Variants in PI4KB observed in about 807,000 individuals in gnomAD.
The protein encoded by PI4KB is PtdIns 4-kinase beta.
In PI4KB, 23 loss-of-function variants were observed where a neutral mutation model predicts 81.4. The ratio of observed to expected loss-of-function variants is 0.28; its 90% CI spans 0.20 to 0.40. The LOEUF is 0.40. Among genes scored for constraint, PI4KB ranks in the 10% least tolerant of loss-of-function variants. PI4KB has a pLI of 1.00. For missense variants in PI4KB, 651 were observed against 1,036.6 expected (o/e 0.63, Z 5.11); for synonymous variants, 381 against 406.8 (o/e 0.94, Z 0.76).
At position 151,294,616 on chromosome 1, in the gene PI4KB, A is replaced by G. The variant is rs1363337296; in HGVS notation, c.2016-75T>C. ...AGGCTGGAACCTTAAGCAGCAATAC[A>G]CTGGCCACATGACACCAGGGAGGGG... On this transcript the variant is annotated intron_variant, in intron 9 of 11. Transcript: ENST00000368873. The G allele has an allele frequency of 1.5e-5, 22 of 1,434,794 alleles. No homozygotes were observed. The South Asian group carries it at 2.6e-4, about 17-fold the overall frequency. 88.9% of individuals were successfully genotyped at this position (1,434,794 alleles called of 1,614,324 possible). A position where few individuals can be genotyped will look rare whatever the true frequency, so the allele number is the denominator to read the frequency against.
chr1:151,301,796 T>A (rs1695311241), intron 8 of PI4KB, 48 bp downstream of exon 8: 1 of 1,574,710 alleles, frequency 6.4e-7, no homozygotes, highest in African/African-American at 1.4e-5. Flanking sequence ...CCTCCCAGAG[T>A]GCTGGGATTA....
At chr1:151,326,159 C>A (rs370976825) in intron 1 of PI4KB, 15 of 1,612,938 alleles carry the variant, frequency 9.3e-6, no homozygotes, top group Non-Finnish European at 1.3e-5. Flanking sequence ...TAATCTGAAA[C>A]AAGTTTTCTC....
chr1:151,293,869 G>T, intron 11 of PI4KB, 149 bp downstream of exon 11: 1 of 832,248 alleles, frequency 1.2e-6, no homozygotes, highest in Non-Finnish European at 1.9e-6. Flanking sequence ...TCCTAAAGGA[G>T]AAACAAGGCA....
At chr1:151,315,463 G>C (rs1293354184) in intron 2 of PI4KB, 110 bp downstream of exon 2, 2 of 762,616 alleles carry the variant, frequency 2.6e-6, no homozygotes, top group African/African-American at 3.4e-5. Flanking sequence ...TCAGTGAAAT[G>C]AAACAGGGAG....
At chr1:151,294,254 C>A in intron 10 of PI4KB, 116 bp from the exon 11 acceptor site, 6 of 1,491,610 alleles carry the variant, frequency 4.0e-6, no homozygotes, top group Non-Finnish European at 5.4e-6. Flanking sequence ...TTCCCCCTTC[C>A]TTATTGGGCA....
At chr1:151,294,283 C>T in intron 10 of PI4KB, 126 bp downstream of exon 10, 1 of 1,463,150 alleles carries the variant, frequency 6.8e-7, no homozygotes, top group East Asian at 2.3e-5. Flanking sequence ...CCAGGAACTC[C>T]TGCCTCACCC....
At chr1:151,303,429 G>C in intron 6 of PI4KB, 112 bp downstream of exon 6, 1 of 768,000 alleles carries the variant, frequency 1.3e-6, no homozygotes, top group Non-Finnish European at 2.4e-6. Context: ...GAATGAAAGA[G>C]GGAAAGACAC....
intron 1 of PI4KB, among the ~76,000 whole-genome samples, chr1:151,324,139 TG>T (rs1571232430): frequency 1.3e-5 from 2 of 152,136 alleles, no homozygotes; most frequent in South Asian, 4.2e-4. Flanking sequence ...TTAGTAGAGA[TG>T]GGGTTTCACC....
At chr1:151,326,657 T>G (rs1649651392) in intron 1 of PI4KB, among the ~76,000 whole-genome samples, 1 of 152,150 alleles carries the variant, frequency 6.6e-6, no homozygotes, top group African/African-American at 2.4e-5. Flanking sequence ...AGTAAGAATG[T>G]AAATGGTACT....
At chr1:151,304,729 C>T (rs933106897) in intron 5 of PI4KB, among the ~76,000 whole-genome samples, 6 of 151,802 alleles carry the variant, frequency 4.0e-5, no homozygotes, top group Non-Finnish European at 8.8e-5. Flanking sequence ...GATCTCAGCT[C>T]CCTGCAGCCT....
intron 6 of PI4KB, among the ~76,000 whole-genome samples, chr1:151,302,937 C>T (rs587679812): frequency 2.6e-5 from 4 of 151,568 alleles, no homozygotes; most frequent in East Asian, 2.0e-4. Context: ...CTGACACAGT[C>T]GCTTTGAGAC....
At chr1:151,305,424 C>T (rs1044624603) in intron 5 of PI4KB, among the ~76,000 whole-genome samples, 9 of 152,224 alleles carry the variant, frequency 5.9e-5, no homozygotes, top group Admixed American at 2.0e-4. Flanking sequence ...CACACCTGCA[C>T]ATCACAGCCA....
At chr1:151,293,165 C>T (rs1328463284) in intron 11 of PI4KB, 132 bp from the exon 12 acceptor site, 4 of 1,494,938 alleles carry the variant, frequency 2.7e-6, no homozygotes, top group Non-Finnish European at 3.6e-6. Flanking sequence ...GATGTGGGTG[C>T]AGTTCTGCTT....
chr1:151,317,807 C>T (rs1267769445), intron 1 of PI4KB, among the ~76,000 whole-genome samples: 2 of 151,168 alleles, frequency 1.3e-5, no homozygotes, highest in Non-Finnish European at 3.0e-5. Context: ...CTGTGCATCT[C>T]ACCTTTATTT....
chr1:151,316,599 T>A, intron 1 of PI4KB, 90 bp from the exon 2 acceptor site: 1 of 862,432 alleles, frequency 1.2e-6, no homozygotes, highest in Non-Finnish European at 1.7e-6. Flanking sequence ...CCCTTTGCTA[T>A]GACACCTTCC....
chr1:151,298,904 C>T lies in PI4KB; in HGVS notation c.1919G>A (p.Ser640Asn). The T allele has an allele frequency of 1.2e-6, 2 of 1,614,196 alleles. No individual in the cohort carries two copies. Among genetic ancestry groups the T allele is most frequent in the East Asian group, 4.5e-5 (2 of 44,884 alleles). ...LLDYFLQEHG[S>N]YTTEAFLSAQ... ...ACTGAGGAATGCCTCAGTGGTGTAA[C>T]TGCCGTGCTCCTGTAGGAAGTAATC... Residue 640 changes from serine to asparagine, a missense_variant, in exon 9 of 12, where the codon AGT becomes AAT. Physicochemically the swap from Ser to Asn is conservative, Grantham distance 46. Around this residue, in one of 5 missense-constraint regions of PI4KB, gnomAD observed 246 missense variants for 430.1 expected, o/e 0.57. Transcript: ENST00000368873.
At chr1:151,317,139 C>CTTTTT (rs34628896) in intron 1 of PI4KB, among the ~76,000 whole-genome samples, 2 of 126,964 alleles carry the variant, frequency 1.6e-5, no homozygotes, top group African/African-American at 3.0e-5. Context: ...TTTACAAATT[C>CTTTTT]TTTTTTTTTT....
chr1:151,304,436 C>G (rs1695574318), intron 5 of PI4KB, among the ~76,000 whole-genome samples: 1 of 151,020 alleles, frequency 6.6e-6, no homozygotes, highest in Admixed American at 6.6e-5. Context: ...CTCCGCCTCC[C>G]AGGTTCAAGC....
At position 151,315,944 on chromosome 1, in the gene PI4KB, G is replaced by A. The variant is rs776997625; in HGVS notation, c.538C>T (p.Leu180Phe). 6.2e-7 allele frequency: 1 copy of A among 1,613,222 alleles called. No homozygotes were observed. Residue 180 changes from leucine to phenylalanine, a missense_variant, in exon 2 of 12, where the codon CTT becomes TTT. By Grantham distance (22) the Leu-to-Phe change is conservative. Around this residue, in one of 5 missense-constraint regions of PI4KB, gnomAD observed 314 missense variants for 397.8 expected, o/e 0.79. Coordinates refer to ENST00000368873, the MANE Select transcript of PI4KB (RefSeq NM_001369623.2). ...TCATCCATGTGGATGTACATGTTAA[G>A]CAACTGGGGCAGATAGAAGTCCACG... ...EDVDFYLPQL[L>F]NMYIHMDEDV...
Sources: allele counts gnomAD v4.1 joint callset (sites outside exome capture counted in the v4.1 genomes callset), GRCh38; gene constraint gnomAD v4.1.1; regional missense constraint gnomAD v4.1.1; transcripts MANE v1.5; gene names NCBI Gene and HGNC (gene_info 2026-07-23, HGNC 2026-07-21).